ANKRD30B: variants seen among roughly 807,000 people sequenced by gnomAD.
The protein encoded by ANKRD30B is ankyrin repeat domain-containing protein 30B.
ANKRD30B carries 144 observed loss-of-function variants against 202.2 expected under a neutral mutation model. The ratio of observed to expected loss-of-function variants is 0.71; its 90% CI spans 0.62 to 0.82. The LOEUF (loss-of-function observed/expected upper bound fraction) is 0.82, where lower values mean the gene tolerates loss of function less well. Ranked by LOEUF, ANKRD30B falls within the 40% of genes least tolerant of loss-of-function variation. The probability of loss-of-function intolerance (pLI) is 0.00; values close to 1 mark genes in which losing one functional copy is unlikely to be tolerated. For missense variants in ANKRD30B, 1,487 were observed against 1,669.1 expected (o/e 0.89, Z 1.90); for synonymous variants, 508 against 561.3 (o/e 0.91, Z 1.34).
In ANKRD30B at chr18:14,837,668, G is replaced by A; in HGVS notation, c.2980G>A (p.Asp994Asn). Residue 994 changes from aspartate to asparagine, a missense_variant, in exon 36 of 44, where the codon GAT becomes AAT. By Grantham distance (23) the Asp-to-Asn change is conservative (BLOSUM62 1). Coordinates refer to ENST00000690538, the MANE Select transcript of ANKRD30B (RefSeq NM_001367607.2). ...AAAAGAAGATACAAAATCAACTTCA[G>A]ATTCTGAGGTACTGTGTATTGTTGT... ...GRKEDTKSTS[D>N]SEIISVSDTQ... The A allele has an allele frequency of 6.5e-7, 1 of 1,538,748 alleles. No individual in the cohort carries two copies. Among genetic ancestry groups the A allele is most frequent in the Non-Finnish European group, 8.7e-7 (1 of 1,144,452 alleles).
the ANKRD30B span, among the ~76,000 whole-genome samples, chr18:14,872,925 G>A: frequency 1.3e-5 from 2 of 152,232 alleles, no homozygotes; most frequent in East Asian, 1.9e-4. Context: ...CTAGAATGGA[G>A]ACATCTCAGG....
chr18:14,832,656 T>C (rs1245311164), intron 34 of ANKRD30B, among the ~76,000 whole-genome samples: 13 of 152,212 alleles, frequency 8.5e-5, no homozygotes, highest in Non-Finnish European at 1.6e-4. Flanking sequence ...TGAATTTTTA[T>C]GTAATGGAAT....
intron 9 of ANKRD30B, 40 bp downstream of exon 9, chr18:14,772,268 A>G (rs376561272): frequency 1.5e-6 from 2 of 1,316,406 alleles, no homozygotes; most frequent in Non-Finnish European, 1.0e-6. Context: ...CTCAGTTGCA[A>G]TATATTTCTG....
rs773637187 is a variant in ANKRD30B at position 14,763,778 on chromosome 18, G to A, written c.913G>A (p.Glu305Lys). The change falls in exon 7 of 44, where the codon GAG (glutamate) becomes AAG (lysine). Residue 305 changes from glutamate to lysine, a missense_variant. Physicochemically the swap from Glu to Lys is moderately conservative, Grantham distance 56. Coordinates refer to ENST00000690538, the MANE Select transcript of ANKRD30B (RefSeq NM_001367607.2). ...AAGCTTGCTGGAAAAAACACCTGAC[G>A]AGGCTGCACGCTTGGTGGAGGGAAC... is the stretch of plus-strand genomic sequence containing the variant. ...AESLLEKTPD[E>K]AARLVEGTSA... 1.2e-5 allele frequency: 19 copies of A among 1,613,930 alleles called. No homozygotes were observed. In the East Asian group the frequency reaches 2.5e-4, roughly 21 times the overall value.
chr18:14,929,047 G>T, the ANKRD30B span, among the ~76,000 whole-genome samples: 1 of 152,160 alleles, frequency 6.6e-6, no homozygotes, highest in East Asian at 1.9e-4. Context: ...TGTTGGCTCT[G>T]TGGTTCTCAG....
At chr18:14,751,080 T>C (rs1913365593) in intron 1 of ANKRD30B, among the ~76,000 whole-genome samples, 1 of 152,082 alleles carries the variant, frequency 6.6e-6, no homozygotes, top group Non-Finnish European at 1.5e-5. Context: ...TTGTATATTC[T>C]GTGAACTTTT....
At chr18:14,766,488 A>AAAAAAAAAAGAAAAGAAAAG (rs1916208705) in intron 7 of ANKRD30B, among the ~76,000 whole-genome samples, 1 of 71,370 alleles carries the variant, frequency 1.4e-5, no homozygotes, top group Non-Finnish European at 3.5e-5. Flanking sequence ...AAAAAAAAAA[A>AAAAAAAAAAGAAAAGAAAAG]AAAAAAAAAG....
chr18:14,874,300 C>T, the ANKRD30B span, among the ~76,000 whole-genome samples: 7 of 152,084 alleles, frequency 4.6e-5, no homozygotes, highest in Admixed American at 2.0e-4. Context: ...CCACATTTCA[C>T]GTTAATTATT....
chr18:14,906,091 T>C, the ANKRD30B span, among the ~76,000 whole-genome samples: 30 of 152,132 alleles, frequency 2.0e-4, no homozygotes, highest in Non-Finnish European at 3.8e-4. Flanking sequence ...CAGCAAATAC[T>C]TTTAGCCCAA....
the ANKRD30B span, among the ~76,000 whole-genome samples, chr18:14,940,113 A>T: frequency 6.6e-6 from 1 of 152,324 alleles, no homozygotes; most frequent in African/African-American, 2.4e-5. Flanking sequence ...AAATAGGGGT[A>T]CGTATGTCTC....
chr18:14,907,968 A>C, the ANKRD30B span, among the ~76,000 whole-genome samples: 1 of 152,334 alleles, frequency 6.6e-6, no homozygotes, highest in East Asian at 1.9e-4. Flanking sequence ...TTAACAGAAA[A>C]AAAAGGCAGA....
rs1212503351 is a variant in ANKRD30B, at chr18:14,852,346, G to T, written c.4402G>T (p.Glu1468Ter). ...GCAACGTCATCTAAACGAGAAAAATGAGGAGGTATTCAATTATGGTAACCA... is the reference window on the plus strand; with the variant it reads ...GCAACGTCATCTAAACGAGAAAAATTAGGAGGTATTCAATTATGGTAACCA... ...KMQRHLNEKNEEVFNYGNHLK... is the reference protein window; with the variant it reads ...KMQRHLNEKN The change falls in exon 42 of 44, where the codon GAG becomes TAG. Residue 1468 changes from glutamate to a stop codon, truncating the protein, a stop_gained. Transcript: ENST00000690538. LOFTEE classifies it high-confidence loss of function. 1.9e-6 allele frequency: 3 copies of T among 1,542,094 alleles called. No individual in the cohort carries two copies. The highest frequency in any genetic ancestry group is 2.1e-5 in the Admixed American group (1 of 47,742).
chr18:14,917,230 C>T, the ANKRD30B span, among the ~76,000 whole-genome samples: 62,362 of 152,120 alleles, frequency 0.41, 14,510 homozygotes, highest in East Asian at 0.58. Flanking sequence ...TTTTCTCTAA[C>T]TGAAATACTT....
At chr18:14,837,783 A>C in intron 36 of ANKRD30B, 107 bp downstream of exon 36, 2 of 1,261,626 alleles carry the variant, frequency 1.6e-6, no homozygotes, top group Non-Finnish European at 2.1e-6. Context: ...TATGTCCATA[A>C]GGCGGGTGGA....
chr18:14,899,379 T>A, the ANKRD30B span, among the ~76,000 whole-genome samples: 1 of 152,192 alleles, frequency 6.6e-6, no homozygotes, highest in South Asian at 2.1e-4. Context: ...GAAATATAAA[T>A]GTTTTAACAT....
chr18:14,796,929 A>T (rs1968941094), intron 18 of ANKRD30B, among the ~76,000 whole-genome samples: 1 of 152,216 alleles, frequency 6.6e-6, no homozygotes, highest in Non-Finnish European at 1.5e-5. Context: ...GTATACAGGG[A>T]TAAGAATTTA....
chr18:14,921,623 G>A, the ANKRD30B span, among the ~76,000 whole-genome samples: 2 of 152,092 alleles, frequency 1.3e-5, no homozygotes, highest in Admixed American at 1.3e-4. Context: ...ACTAGACAAA[G>A]CAAAAATGAA....
At position 14,808,262 on chromosome 18, in the gene ANKRD30B, C is replaced by T. The variant is rs1969653650; in HGVS notation, c.2285-289C>T. 2 of 403,328 alleles carry T rather than the reference C, an allele frequency of 5.0e-6. 1 individual carries two copies. Among genetic ancestry groups the T allele is most frequent in the Non-Finnish European group, 9.4e-6 (2 of 212,348 alleles). 25.0% of individuals were successfully genotyped at this position (403,328 alleles called of 1,614,324 possible). A position where few individuals can be genotyped will look rare whatever the true frequency, so the allele number is the denominator to read the frequency against. On this transcript the variant is annotated intron_variant, in intron 24 of 43. Coordinates refer to ENST00000690538, the MANE Select transcript of ANKRD30B (RefSeq NM_001367607.2). ...TTCTTTCCCTATACGGCAGATTAAT[C>T]TTACTGGTATTAGGATTTTTCTACT...
chr18:14,860,421 G>GAT, the ANKRD30B span, among the ~76,000 whole-genome samples: 3 of 51,980 alleles, frequency 5.8e-5, no homozygotes, highest in East Asian at 5.9e-4. Flanking sequence ...CCTCCCAGAT[G>GAT]GGGCAGCCGG....
Sources: allele counts gnomAD v4.1 joint callset (sites outside exome capture counted in the v4.1 genomes callset), GRCh38; gene constraint gnomAD v4.1.1; transcripts MANE v1.5; gene names NCBI Gene and HGNC (gene_info 2026-07-23, HGNC 2026-07-21).